The following C11orf65 variants were observed in gnomAD, a reference collection of about 807,000 sequenced individuals.
The protein encoded by C11orf65 is chromosome 11 open reading frame 65.
C11orf65 carries 38 observed loss-of-function variants against 35.3 expected under a neutral mutation model. The observed-to-expected ratio is 1.08, with a 90% CI of 0.83 to 1.41. The LOEUF is 1.41. Ranked by LOEUF, C11orf65 falls within the 40% of genes most tolerant of loss-of-function variation. The probability of loss-of-function intolerance (pLI) is 0.00; values close to 1 mark genes in which losing one functional copy is unlikely to be tolerated. For missense variants in C11orf65, 370 were observed against 367.1 expected, an observed-to-expected ratio of 1.01 and a Z score of -0.06; for synonymous variants, 105 against 114.4, an observed-to-expected ratio of 0.92 and a Z score of 0.53.
At chr11:108,380,990 T>A (rs1461217507), downstream of C11orf65, among the ~76,000 whole-genome samples, 1 of 152,152 alleles carries the variant, frequency 6.6e-6, no homozygotes, top group Non-Finnish European at 1.5e-5. Context: ...TGGAAAACAC[T>A]AGTCCTATCA....
rs1342395364 is a variant in C11orf65, at chr11:108,353,922, C to A, written c.227-18630G>T. On this transcript the variant is annotated intron_variant, in intron 2 of 3. Transcript: ENST00000524755. ...AAAGGAGGGAAATAATTTTTGATGT[C>A]AAAATTACATGGGCTGGGCATGGTT... 1.9e-6 allele frequency: 3 copies of A among 1,538,954 alleles called. No homozygotes were observed. The South Asian group carries it at 3.4e-5, about 17-fold the overall frequency.
rs1179172483 is a variant in C11orf65 at position 108,325,531 on chromosome 11, T to G, written c.641-16460A>C. On this transcript the variant is annotated intron_variant, in intron 6 of 6. Coordinates refer to the C11orf65 transcript ENST00000525729. ...GAACTCTCTATACTGGCCAGAACTT[T>G]CAAGAACACTCAGGTAAATACAATT... The G allele has an allele frequency of 6.2e-7, 1 of 1,601,898 alleles. No individual in the cohort carries two copies. Among genetic ancestry groups the G allele is most frequent in the Admixed American group, 1.7e-5 (1 of 59,998 alleles).
In C11orf65 at chr11:108,394,968, A is replaced by C. The variant is rs148044284; in HGVS notation, c.561-1590T>G. On this transcript the variant is annotated intron_variant, in intron 6 of 8. Coordinates refer to ENST00000393084, the MANE Select transcript of C11orf65 (RefSeq NM_152587.5). ...CAACACAGTGAGACCCCATCTCTAC[A>C]AACAATAAAAAACATAGCCAAGCAC... Among the ~76,000 whole-genome samples, 476 of 152,094 alleles carry C rather than the reference A, an allele frequency of 3.1e-3. 1 individual carries two copies. The highest frequency in any genetic ancestry group is 0.011 in the African/African-American group (459 of 41,498).
chr11:108,469,221 A>G (rs562803166), upstream of C11orf65, among the ~76,000 whole-genome samples: 8 of 152,032 alleles, frequency 5.3e-5, no homozygotes, highest in Admixed American at 1.3e-4. Context: ...TCTAAAAAAA[A>G]AAAAAAATTA....
chr11:108,347,118 T>C (rs1591272639), intron 2 of C11orf65, among the ~76,000 whole-genome samples: 1 of 152,210 alleles, frequency 6.6e-6, no homozygotes, highest in East Asian at 1.9e-4. Flanking sequence ...AAGATTTGAG[T>C]TAAACTCAAC....
intron 6 of C11orf65, among the ~76,000 whole-genome samples, chr11:108,322,294 A>G (rs142871022): frequency 0.011 from 1,619 of 152,222 alleles, 21 homozygotes; most frequent in Non-Finnish European, 0.014. Flanking sequence ...AGCTGGGATT[A>G]TAGGTGCCCC....
downstream of C11orf65, chr11:108,331,317 G>A (rs2086208644): frequency 6.8e-7 from 1 of 1,460,174 alleles, no homozygotes; most frequent in South Asian, 1.4e-5. Flanking sequence ...AAACAATATA[G>A]TTAGTGAAGT....
chr11:108,428,313 A>G (rs2092937289), intron 3 of C11orf65, among the ~76,000 whole-genome samples: 1 of 152,232 alleles, frequency 6.6e-6, no homozygotes, highest in African/African-American at 2.4e-5. Context: ...ATTACTGGGT[A>G]TATACCAAAA....
chr11:108,316,415 T>TGTGCCAG (rs2084655646), intron 6 of C11orf65, among the ~76,000 whole-genome samples: 1 of 152,150 alleles, frequency 6.6e-6, no homozygotes, highest in South Asian at 2.1e-4. Context: ...GCATATACAA[T>TGTGCCAG]GTGCCAGGTA....
chr11:108,438,130 G>T lies in C11orf65; in HGVS notation c.82-6292C>A, dbSNP rs60008960. 4.8e-3 allele frequency among the ~76,000 whole-genome samples: 733 copies of T among 152,174 alleles called. 8 individuals carry two copies. Among genetic ancestry groups the T allele is most frequent in the African/African-American group, 0.016 (658 of 41,506 alleles). On this transcript the variant is annotated intron_variant, in intron 2 of 8. Coordinates refer to ENST00000393084, the MANE Select transcript of C11orf65 (RefSeq NM_152587.5). ...TGTCGTCAACTCATTTTTGACAAGG[G>T]TTTCAAAACCATTCAATGAAGAGGA...
At chr11:108,443,918 G>T (rs975733360) in intron 2 of C11orf65, among the ~76,000 whole-genome samples, 2 of 152,016 alleles carry the variant, frequency 1.3e-5, no homozygotes. Context: ...AACTAGAGAA[G>T]CAAGAGCAAA....
At chr11:108,404,943 A>T (rs1021044534) in intron 6 of C11orf65, among the ~76,000 whole-genome samples, 2 of 152,110 alleles carry the variant, frequency 1.3e-5, no homozygotes, top group Admixed American at 6.6e-5. Context: ...TTTTCACATG[A>T]CCTCGGTAAC....
rs374499837 is a variant in C11orf65, at chr11:108,311,538, A to G, written c.641-2467T>C. ...TAGTGAGACCTCAGCTCTACTAAAAATAAAAATAAATCAGCTGGGCATAGT... is the reference window on the plus strand; with the variant it reads ...TAGTGAGACCTCAGCTCTACTAAAAGTAAAAATAAATCAGCTGGGCATAGT... On this transcript the variant is annotated intron_variant, in intron 6 of 6. Transcript: ENST00000525729. 2.6e-5 allele frequency among the ~76,000 whole-genome samples: 4 copies of G among 152,140 alleles called. No individual in the cohort carries two copies. In the South Asian group the frequency reaches 8.3e-4, roughly 32 times the overall value.
intron 2 of C11orf65, among the ~76,000 whole-genome samples, chr11:108,350,843 G>C (rs915990804): frequency 9.2e-5 from 14 of 151,964 alleles, no homozygotes; most frequent in African/African-American, 3.4e-4. Flanking sequence ...AAATGAGAAG[G>C]GTAAATTGGT....
At chr11:108,365,553 T>A (rs375136432) in intron 2 of C11orf65, 1 of 1,586,480 alleles carries the variant, frequency 6.3e-7, no homozygotes, top group Non-Finnish European at 8.6e-7. Flanking sequence ...TTAGAAATTA[T>A]ATTTTAGCCT....
intron 2 of C11orf65, among the ~76,000 whole-genome samples, chr11:108,460,944 C>T (rs1430750868): frequency 1.3e-5 from 2 of 152,048 alleles, no homozygotes; most frequent in Non-Finnish European, 2.9e-5. Context: ...AGGCTGGTCT[C>T]AAACTCCCGA....
At chr11:108,332,179 G>C in intron 3 of C11orf65, 2 of 1,091,038 alleles carry the variant, frequency 1.8e-6, no homozygotes, top group Middle Eastern at 3.1e-4. Context: ...TGTAATCCCA[G>C]CACTTTGGGA....
At chr11:108,404,569 G>A (rs1489698506) in intron 6 of C11orf65, among the ~76,000 whole-genome samples, 5 of 146,132 alleles carry the variant, frequency 3.4e-5, no homozygotes, top group African/African-American at 7.5e-5. Context: ...CACCAAGCCC[G>A]GCTAATTTTT....
rs1296890387 is a variant in C11orf65 at position 108,312,550 on chromosome 11, G to C, written c.641-3479C>G. 12 of 1,307,042 alleles carry C rather than the reference G, an allele frequency of 9.2e-6. 1 individual carries two copies. Among genetic ancestry groups the C allele is most frequent in the Non-Finnish European group, 1.1e-5 (10 of 904,754 alleles). 81.0% of individuals were successfully genotyped at this position (1,307,042 alleles called of 1,614,324 possible). The stretch of plus-strand genomic sequence containing the variant: ...TGACAGTATTTATCTCATACTTTGG[G>C]TTATTTTGTTATAGACACTGTACAG... On this transcript the variant is annotated intron_variant, in intron 6 of 6. Transcript: ENST00000525729.
Sources: gnomAD v4.1 joint callset for allele counts (sites outside exome capture counted in the v4.1 genomes callset) on GRCh38, gnomAD v4.1.1 for gene constraint, MANE v1.5 for transcripts, NCBI Gene and HGNC (gene_info 2026-07-23, HGNC 2026-07-21) for gene names.